The following VAT1L variants were observed in gnomAD, a reference collection of about 807,000 sequenced individuals.
VAT1L encodes the protein putative NADPH-dependent quinone oxidoreductase VAT1L.
In VAT1L, 34 loss-of-function variants were observed where a neutral mutation model predicts 44.1. The ratio of observed to expected loss-of-function variants is 0.77; its 90% CI spans 0.59 to 1.03. VAT1L has a LOEUF of 1.03. VAT1L is among the 50% of genes least tolerant of loss of function. The pLI, the probability that VAT1L is intolerant of heterozygous loss-of-function variation, is 0.00. For missense variants in VAT1L, 615 were observed against 538.8 expected (o/e 1.14, Z -1.40); for synonymous variants, 253 against 202.2 (o/e 1.25, Z -2.13).
intron 3 of VAT1L, among the ~76,000 whole-genome samples, chr16:77,840,291 G>C (rs2016691194): frequency 6.6e-6 from 1 of 152,196 alleles, no homozygotes; most frequent in African/African-American, 2.4e-5. Flanking sequence ...CAGGTAGTCA[G>C]GGAAGTTCTC....
intron 3 of VAT1L, among the ~76,000 whole-genome samples, chr16:77,855,655 T>C (rs2016851057): frequency 6.6e-6 from 1 of 152,216 alleles, no homozygotes; most frequent in African/African-American, 2.4e-5. Flanking sequence ...ACAATGCAAG[T>C]TCCAAGACAG....
At chr16:77,813,386 A>G (rs2914443) in intron 1 of VAT1L, among the ~76,000 whole-genome samples, 147,124 of 152,300 alleles carry the variant, frequency 0.97, 71,070 homozygotes, top group East Asian at 1. Context: ...TTGGTTTCAT[A>G]TGACAGGGAC....
At chr16:77,889,040 C>A (rs1446290033) in intron 7 of VAT1L, among the ~76,000 whole-genome samples, 1 of 152,212 alleles carries the variant, frequency 6.6e-6, no homozygotes, top group Non-Finnish European at 1.5e-5. Context: ...CCACGCAGCT[C>A]TTCTGGGCTT....
intron 7 of VAT1L, among the ~76,000 whole-genome samples, chr16:77,930,714 C>T (rs543017892): frequency 6.6e-6 from 1 of 152,060 alleles, no homozygotes; most frequent in South Asian, 2.1e-4. Context: ...AGTCTTCTTC[C>T]CAGGAAATGG....
chr16:77,853,365 G>T (rs1360198220), intron 3 of VAT1L, among the ~76,000 whole-genome samples: 3 of 152,144 alleles, frequency 2.0e-5, no homozygotes, highest in Non-Finnish European at 2.9e-5. Flanking sequence ...TGCCATAATT[G>T]AGCAAATTAG....
At chr16:77,970,250 G>C (rs2018265146) in intron 7 of VAT1L, among the ~76,000 whole-genome samples, 1 of 151,972 alleles carries the variant, frequency 6.6e-6, no homozygotes, top group Non-Finnish European at 1.5e-5. Flanking sequence ...AAAATGTGTT[G>C]ATTCCGATCA....
At chr16:77,921,314 C>T (rs2017609164) in intron 7 of VAT1L, among the ~76,000 whole-genome samples, 1 of 152,178 alleles carries the variant, frequency 6.6e-6, no homozygotes, top group South Asian at 2.1e-4. Context: ...TGACATTCCC[C>T]TATGTTTGCA....
chr16:77,789,008 T>G, intron 1 of VAT1L, 93 bp downstream of exon 1: 1 of 1,365,714 alleles, frequency 7.3e-7, no homozygotes, highest in Non-Finnish European at 9.6e-7. Flanking sequence ...GCTGCCCGGG[T>G]AGAACCGCCG....
At chr16:77,798,575 T>G (rs775652440) in intron 1 of VAT1L, among the ~76,000 whole-genome samples, 1 of 152,162 alleles carries the variant, frequency 6.6e-6, no homozygotes, top group African/African-American at 2.4e-5. Context: ...TGATAGATAT[T>G]AATGGTGGGG....
chr16:77,792,393 G>T (rs1055365760), intron 1 of VAT1L, among the ~76,000 whole-genome samples: 1 of 152,078 alleles, frequency 6.6e-6, no homozygotes, highest in Non-Finnish European at 1.5e-5. Context: ...AGAACCTGAC[G>T]CAGGGATCCT....
chr16:77,958,722 T>C (rs1299113036), intron 7 of VAT1L, among the ~76,000 whole-genome samples: 1 of 152,220 alleles, frequency 6.6e-6, no homozygotes, highest in Admixed American at 6.5e-5. Flanking sequence ...CCATGATGTA[T>C]ATTTGATCAG....
chr16:77,810,521 C>T (rs1041655840), intron 1 of VAT1L, among the ~76,000 whole-genome samples: 7 of 152,078 alleles, frequency 4.6e-5, no homozygotes, highest in Admixed American at 1.3e-4. Context: ...ATATAGAGGC[C>T]GGGCACGGTG....
At chr16:77,810,536 A>C (rs913301870) in intron 1 of VAT1L, among the ~76,000 whole-genome samples, 2 of 152,152 alleles carry the variant, frequency 1.3e-5, no homozygotes, top group African/African-American at 4.8e-5. Flanking sequence ...ACGGTGGCCC[A>C]GCACTTCCCA....
At chr16:77,976,829 C>T (rs1411419410) in intron 8 of VAT1L, among the ~76,000 whole-genome samples, 1 of 152,136 alleles carries the variant, frequency 6.6e-6, no homozygotes, top group East Asian at 1.9e-4. Context: ...TGCCAGGTAC[C>T]AGTGATTAAC....
intron 7 of VAT1L, among the ~76,000 whole-genome samples, chr16:77,906,955 A>G (rs996314933): frequency 6.6e-5 from 10 of 152,206 alleles, no homozygotes; most frequent in African/African-American, 1.9e-4. Flanking sequence ...AGTGGATTCA[A>G]TTTCTTTCAT....
At chr16:77,902,806 T>C (rs1352463459) in intron 7 of VAT1L, among the ~76,000 whole-genome samples, 1 of 150,422 alleles carries the variant, frequency 6.6e-6, no homozygotes, top group Non-Finnish European at 1.5e-5. Flanking sequence ...CCATCTCTAC[T>C]AAAAATACCA....
chr16:77,942,219 G>A (rs190836576), intron 7 of VAT1L, among the ~76,000 whole-genome samples: 45 of 152,312 alleles, frequency 3.0e-4, no homozygotes, highest in African/African-American at 1.0e-3. Flanking sequence ...TTACATGGTG[G>A]CAGGCAAGAG....
intron 7 of VAT1L, among the ~76,000 whole-genome samples, chr16:77,962,087 G>A (rs575483106): frequency 6.6e-6 from 1 of 151,920 alleles, no homozygotes; most frequent in Non-Finnish European, 1.5e-5. Context: ...TCCAGAACCT[G>A]CCAGTCATGC....
chr16:77,953,672 G>A (rs963827695), intron 7 of VAT1L, among the ~76,000 whole-genome samples: 9 of 151,970 alleles, frequency 5.9e-5, no homozygotes, highest in South Asian at 2.1e-4. Context: ...TTACAGGTGC[G>A]TGCCACCACA....
Sources: allele counts gnomAD v4.1 joint callset (sites outside exome capture counted in the v4.1 genomes callset), GRCh38; gene constraint gnomAD v4.1.1; transcripts MANE v1.5; gene names NCBI Gene and HGNC (gene_info 2026-07-23, HGNC 2026-07-21).